The following SOX6 variants were observed in gnomAD, a reference collection of about 807,000 sequenced individuals.
The protein encoded by SOX6 is SRY-box transcription factor 6, also known as transcription factor SOX-6.
A neutral mutation model predicts 97.8 loss-of-function variants in SOX6; 11 were observed. That is an observed-to-expected ratio of 0.11 (90% confidence interval 0.07 to 0.19). The LOEUF is 0.19. Ranked by LOEUF, SOX6 falls within the 10% of genes least tolerant of loss-of-function variation. The pLI is 1.00. For missense variants in SOX6, 810 were observed against 1,039.5 expected (o/e 0.78, Z 3.04); for synonymous variants, 360 against 371.4 (o/e 0.97, Z 0.35).
intron 7 of SOX6, among the ~76,000 whole-genome samples, chr11:16,107,138 G>A (rs76458704): frequency 0.012 from 1,800 of 151,960 alleles, 40 homozygotes; most frequent in African/African-American, 0.042. Flanking sequence ...TACATTTCTC[G>A]TGGGAATATA....
At chr11:16,650,837 C>G (rs1352074413) in intron 3 of SOX6, among the ~76,000 whole-genome samples, 1 of 151,534 alleles carries the variant, frequency 6.6e-6, no homozygotes, top group Non-Finnish European at 1.5e-5. Context: ...AAACAAAAAG[C>G]CGGTTCTTTG....
chr11:16,165,103 C>A (rs1156588535), intron 6 of SOX6, among the ~76,000 whole-genome samples: 1 of 152,114 alleles, frequency 6.6e-6, no homozygotes, highest in African/African-American at 2.4e-5. Flanking sequence ...GGAGTTCCAG[C>A]AAGTGTTACT....
intron 4 of SOX6, among the ~76,000 whole-genome samples, chr11:16,539,201 G>C (rs1231065479): frequency 6.6e-6 from 1 of 152,198 alleles, no homozygotes; most frequent in African/African-American, 2.4e-5. Flanking sequence ...CATGGAAACT[G>C]AACAACTTGT....
At chr11:16,092,313 T>C (rs1848708617) in intron 9 of SOX6, among the ~76,000 whole-genome samples, 1 of 151,930 alleles carries the variant, frequency 6.6e-6, no homozygotes, top group South Asian at 2.1e-4. Context: ...ATAACCCTAT[T>C]ATTTGATGCT....
At chr11:16,097,585 A>G in intron 8 of SOX6, 24 bp downstream of exon 8, 1 of 1,606,590 alleles carries the variant, frequency 6.2e-7, no homozygotes, top group Non-Finnish European at 8.5e-7. Context: ...CTCATATCCC[A>G]CATTTTTTTC....
intron 3 of SOX6, among the ~76,000 whole-genome samples, chr11:16,285,008 GATTATAA>G (rs1854690844): frequency 6.6e-6 from 1 of 152,004 alleles, no homozygotes; most frequent in African/African-American, 2.4e-5. Context: ...TTGCAAATTA[GATTATAA>G]ATTATAATTT....
At chr11:16,135,407 C>G (rs1849935048) in intron 6 of SOX6, among the ~76,000 whole-genome samples, 1 of 152,016 alleles carries the variant, frequency 6.6e-6, no homozygotes, top group African/African-American at 2.4e-5. Flanking sequence ...AATTGAAAAC[C>G]TTCTGGATTT....
At chr11:16,508,534 A>G (rs1035559590) in intron 4 of SOX6, among the ~76,000 whole-genome samples, 2 of 152,136 alleles carry the variant, frequency 1.3e-5, no homozygotes, top group Admixed American at 6.6e-5. Flanking sequence ...TTTCTGCAAC[A>G]TGGGTGGAAC....
In SOX6 at chr11:16,049,779, T is replaced by C; in HGVS notation, c.1411A>G (p.Ser471Gly). The change falls in exon 11 of 16, where the codon AGC becomes GGC. Residue 471 changes from serine to glycine, a missense_variant. Around this residue, in one of 9 missense-constraint regions of SOX6, gnomAD observed 244 missense variants for 261.0 expected, o/e 0.93. Coordinates refer to ENST00000683767, the MANE Select transcript of SOX6 (RefSeq NM_001367873.1). ...KSSIPSPIGG[S>G]LGRGSSLDIL... is the part of the protein sequence containing the mutation. ...CCTAAAGAGGATCCTCTTCCCAGGC[T>C]TCCTCCAATGGGGCTAGGGATGCTG... is the stretch of plus-strand genomic sequence containing the variant. The C allele has an allele frequency of 6.2e-7, 1 of 1,613,674 alleles. No homozygotes were observed. The highest frequency in any genetic ancestry group is 8.5e-7 in the Non-Finnish European group (1 of 1,179,802).
intron 3 of SOX6, among the ~76,000 whole-genome samples, chr11:16,657,617 A>T (rs1847732871): frequency 6.6e-6 from 1 of 152,138 alleles, no homozygotes; most frequent in Non-Finnish European, 1.5e-5. Context: ...GGCATTGTCA[A>T]GGTTTTGTGT....
At chr11:16,557,473 C>T (rs1256636907) in intron 4 of SOX6, among the ~76,000 whole-genome samples, 2 of 151,780 alleles carry the variant, frequency 1.3e-5, no homozygotes, top group South Asian at 2.1e-4. Flanking sequence ...ATAGTCCCAG[C>T]TTATCAATTT....
chr11:16,434,480 T>A (rs570291067), intron 1 of SOX6: 4 of 152,336 alleles, frequency 2.6e-5, no homozygotes, highest in South Asian at 4.1e-4. Context: ...AATACCTGAC[T>A]CAAAGTCACT....
intron 1 of SOX6, among the ~76,000 whole-genome samples, chr11:16,407,255 A>G (rs1858705998): frequency 6.6e-6 from 1 of 152,134 alleles, no homozygotes; most frequent in South Asian, 2.1e-4. Flanking sequence ...TAGCCACAAT[A>G]GCAGTGTTTA....
intron 4 of SOX6, among the ~76,000 whole-genome samples, chr11:16,194,732 A>C (rs1333013831): frequency 6.6e-6 from 1 of 152,202 alleles, no homozygotes. Context: ...TCCTGGATCA[A>C]CTGAGGTCTA....
chr11:16,164,119 A>G (rs1214146774), intron 6 of SOX6, among the ~76,000 whole-genome samples: 2 of 151,944 alleles, frequency 1.3e-5, no homozygotes, highest in Admixed American at 6.6e-5. Context: ...CAGTAGCACC[A>G]CCATGCTTGG....
chr11:16,261,373 T>G (rs565674612), intron 3 of SOX6, among the ~76,000 whole-genome samples: 1 of 152,310 alleles, frequency 6.6e-6, no homozygotes, highest in South Asian at 2.1e-4. Context: ...ATACTATGTT[T>G]TAATCAATGT....
intron 2 of SOX6, among the ~76,000 whole-genome samples, chr11:16,736,175 G>T (rs757597914): frequency 2.6e-5 from 4 of 152,022 alleles, no homozygotes; most frequent in African/African-American, 7.2e-5. Context: ...CAGGCATTGC[G>T]CCAGAAACAA....
intron 15 of SOX6, among the ~76,000 whole-genome samples, chr11:15,974,256 C>A (rs952907007): frequency 5.3e-5 from 8 of 151,970 alleles, no homozygotes; most frequent in Non-Finnish European, 7.4e-5. Context: ...TTCTTACTCA[C>A]CCTACACATT....
At chr11:16,638,400 T>C (rs1848829066) in intron 3 of SOX6, among the ~76,000 whole-genome samples, 1 of 152,202 alleles carries the variant, frequency 6.6e-6, no homozygotes, top group Non-Finnish European at 1.5e-5. Context: ...GCATGATTTA[T>C]AATCCTTTGG....
Sources: gnomAD v4.1 joint callset for allele counts (sites outside exome capture counted in the v4.1 genomes callset) on GRCh38, gnomAD v4.1.1 for gene constraint, gnomAD v4.1.1 regional missense constraint, MANE v1.5 for transcripts, NCBI Gene and HGNC (gene_info 2026-07-23, HGNC 2026-07-21) for gene names.